The following TTC7A variants were observed in gnomAD, a reference collection of about 807,000 sequenced individuals.
TTC7A encodes tetratricopeptide repeat protein 7A.
TTC7A carries 110 observed loss-of-function variants against 103.7 expected under a neutral mutation model. That is an observed-to-expected ratio of 1.06 (90% CI 0.91 to 1.24). TTC7A has a LOEUF of 1.24. TTC7A is among the 50% of genes most tolerant of loss of function. TTC7A has a pLI of 0.00. For missense variants in TTC7A, 1,340 were observed against 1,116.3 expected, an observed-to-expected ratio of 1.20 and a Z score of -2.86; for synonymous variants, 521 against 467.9, an observed-to-expected ratio of 1.11 and a Z score of -1.47.
At chr2:47,071,704 C>T (rs569913725) in intron 19 of TTC7A, among the ~76,000 whole-genome samples, 47 of 152,198 alleles carry the variant, frequency 3.1e-4, no homozygotes, top group Non-Finnish European at 5.4e-4. Context: ...TACAGACACA[C>T]ACAGGAAGTT....
chr2:46,988,577 T>G (rs983284234), intron 5 of TTC7A, among the ~76,000 whole-genome samples: 1 of 152,256 alleles, frequency 6.6e-6, no homozygotes, highest in Admixed American at 6.5e-5. Context: ...ATTCTCTGTT[T>G]CAGCTCAAAC....
At chr2:47,006,756 C>G (rs746927304) in intron 10 of TTC7A, 32 bp downstream of exon 10, 3 of 1,537,060 alleles carry the variant, frequency 2.0e-6, no homozygotes, top group African/African-American at 1.4e-5. Flanking sequence ...GGGTTGCACA[C>G]TCACCCGCAG....
At chr2:47,018,160 C>A (rs1319812918) in intron 11 of TTC7A, among the ~76,000 whole-genome samples, 1 of 151,452 alleles carries the variant, frequency 6.6e-6, no homozygotes, top group Non-Finnish European at 1.5e-5. Flanking sequence ...ACTGGTAATC[C>A]CAGCTACTCA....
intron 18 of TTC7A, among the ~76,000 whole-genome samples, chr2:47,053,582 G>GGTTGGTTGGTTGGTTGGTTT: frequency 6.7e-6 from 1 of 149,972 alleles, no homozygotes; most frequent in East Asian, 2.0e-4. Context: ...TTGGTTGGTT[G>GGTTGGTTGGTTGGTTGGTTT]GTTTTTTGAG....
At chr2:47,072,832 C>CACT (rs1261390613) in intron 19 of TTC7A, among the ~76,000 whole-genome samples, 2 of 152,210 alleles carry the variant, frequency 1.3e-5, no homozygotes, top group Non-Finnish European at 2.9e-5. Context: ...TCCCTCCACT[C>CACT]ACTACCCTGT....
intron 8 of TTC7A, among the ~76,000 whole-genome samples, chr2:47,003,367 G>A (rs928100094): frequency 3.3e-5 from 5 of 152,160 alleles, no homozygotes; most frequent in Non-Finnish European, 5.9e-5. Context: ...GTAAGAGGGT[G>A]GTCCTGAATG....
At chr2:46,984,730 G>A (rs1255025432) in intron 5 of TTC7A, among the ~76,000 whole-genome samples, 1 of 152,198 alleles carries the variant, frequency 6.6e-6, no homozygotes, top group Non-Finnish European at 1.5e-5. Flanking sequence ...CAGTGCTCTG[G>A]GAAGGCCAGG....
chr2:47,053,679 C>G (rs1221701090), intron 18 of TTC7A, among the ~76,000 whole-genome samples: 1 of 152,170 alleles, frequency 6.6e-6, no homozygotes, highest in Non-Finnish European at 1.5e-5. Flanking sequence ...TCAAGTGATT[C>G]TCCCACCTCA....
intron 10 of TTC7A, among the ~76,000 whole-genome samples, chr2:47,009,924 A>G (rs906203861): frequency 0.062 from 2,826 of 45,252 alleles, no homozygotes; most frequent in Middle Eastern, 0.089. Context: ...GGGACAGGGG[A>G]GGGGGCGCGC....
chr2:46,983,922 G>A (rs959114610), intron 5 of TTC7A, among the ~76,000 whole-genome samples: 17 of 152,234 alleles, frequency 1.1e-4, no homozygotes, highest in African/African-American at 4.1e-4. Flanking sequence ...GCTTCCTGGA[G>A]TGGATTTCGT....
At position 46,975,090 on chromosome 2, in the gene TTC7A, A is replaced by C. The variant is rs145134902; in HGVS notation, c.635A>C (p.Gln212Pro). The change falls in exon 4 of 20, where the codon CAG becomes CCG. Residue 212 changes from glutamine to proline, a missense_variant. By Grantham distance (76) the Gln-to-Pro change is moderately conservative (BLOSUM62 -1). Coordinates refer to ENST00000319190, the MANE Select transcript of TTC7A (RefSeq NM_020458.4). ...RASWIAQVFL[Q>P]ELEKTTNNST... ...TCCTGGATCGCTCAGGTGTTCCTGC[A>C]GGAATTGGAGAAGGTGAGCTGGAAA... The C allele has an allele frequency of 1.8e-5, 29 of 1,613,686 alleles. 1 individual carries two copies. The South Asian group carries it at 2.9e-4, about 16-fold the overall frequency.
chr2:46,951,881 G>T, intron 2 of TTC7A: 2 of 344,402 alleles, frequency 5.8e-6, no homozygotes, highest in Non-Finnish European at 5.7e-6. Flanking sequence ...AGTCCTATCA[G>T]CAAGTAAATA....
At chr2:46,999,253 C>G (rs2104415083) in intron 8 of TTC7A, among the ~76,000 whole-genome samples, 1 of 151,866 alleles carries the variant, frequency 6.6e-6, no homozygotes, top group Admixed American at 6.6e-5. Context: ...CATCCCCCTA[C>G]CTATTCATCC....
intron 8 of TTC7A, among the ~76,000 whole-genome samples, chr2:46,998,895 A>G (rs1676499105): frequency 6.6e-6 from 1 of 152,222 alleles, no homozygotes; most frequent in African/African-American, 2.4e-5. Context: ...TAGAAACCTT[A>G]CTAATGCTTT....
chr2:47,035,428 C>G (rs1239736354), intron 15 of TTC7A: 2 of 152,230 alleles, frequency 1.3e-5, no homozygotes, highest in Non-Finnish European at 2.9e-5. Flanking sequence ...AGCGCCGGAT[C>G]CTTCCCCAAA....
intron 8 of TTC7A, 95 bp from the exon 9 acceptor site, chr2:47,005,827 G>A: frequency 1.4e-6 from 2 of 1,437,094 alleles, no homozygotes; most frequent in Admixed American, 1.7e-5. Context: ...GCAAAAAGGT[G>A]ATAGCGGCTG....
intron 15 of TTC7A, among the ~76,000 whole-genome samples, chr2:47,044,972 G>A (rs2104693789): frequency 6.6e-6 from 1 of 152,326 alleles, no homozygotes; most frequent in Middle Eastern, 3.4e-3. Flanking sequence ...GGTGGCACCT[G>A]CAGCCTTCGC....
chr2:47,002,592 G>T (rs1676937563), intron 8 of TTC7A, among the ~76,000 whole-genome samples: 1 of 152,052 alleles, frequency 6.6e-6, no homozygotes, highest in African/African-American at 2.4e-5. Context: ...GAGGGAGCAG[G>T]ACAGCTGGGG....
At chr2:46,938,906 G>T (rs542983081), upstream of TTC7A, among the ~76,000 whole-genome samples, 78 of 152,048 alleles carry the variant, frequency 5.1e-4, no homozygotes, top group African/African-American at 1.8e-3. Context: ...AGCTACTCGG[G>T]AGGCTAAGGC....
Sources: gnomAD v4.1 joint callset for allele counts (sites outside exome capture counted in the v4.1 genomes callset) on GRCh38, gnomAD v4.1.1 for gene constraint, MANE v1.5 for transcripts, NCBI Gene and HGNC (gene_info 2026-07-23, HGNC 2026-07-21) for gene names.